The following MITF variants were observed in gnomAD, a reference collection of about 807,000 sequenced individuals.
MITF encodes the protein microphthalmia-associated transcription factor.
MITF carries 17 observed loss-of-function variants against 60.5 expected under a neutral mutation model. That is an observed-to-expected ratio of 0.28 (90% CI 0.19 to 0.42). MITF has a LOEUF of 0.42. Among genes scored for constraint, MITF ranks in the 10% least tolerant of loss-of-function variants. The pLI is 1.00. For synonymous variants in MITF, 260 were observed against 248.5 expected (o/e 1.05, Z -0.43); for missense variants, 622 against 683.5 (o/e 0.91, Z 1.00).
intron 1 of MITF, among the ~76,000 whole-genome samples, chr3:69,761,121 A>G (rs371439186): frequency 4.6e-5 from 7 of 152,150 alleles, no homozygotes; most frequent in Admixed American, 6.5e-5. Flanking sequence ...TATCTTTTAT[A>G]TATTTCTATA....
At chr3:69,763,801 C>G (rs1288661928) in intron 1 of MITF, 6 of 1,363,670 alleles carry the variant, frequency 4.4e-6, no homozygotes, top group Non-Finnish European at 5.9e-6. Flanking sequence ...TGGCATTAAT[C>G]TTGGGAATTC....
chr3:69,795,456 C>A (rs999664648), intron 1 of MITF, among the ~76,000 whole-genome samples: 6 of 152,102 alleles, frequency 3.9e-5, no homozygotes, highest in Admixed American at 3.3e-4. Context: ...CTGGGCATAG[C>A]GGCTTATTCC....
intron 1 of MITF, among the ~76,000 whole-genome samples, chr3:69,844,467 A>C (rs1035878724): frequency 5.3e-5 from 8 of 152,232 alleles, no homozygotes; most frequent in African/African-American, 1.9e-4. Flanking sequence ...TACAAAAATT[A>C]ACTCAAGATG....
At chr3:69,821,690 T>TAAAAAAAAAAAAAAAAAAAACAAAA (rs72371556) in intron 1 of MITF, among the ~76,000 whole-genome samples, 108 of 112,952 alleles carry the variant, frequency 9.6e-4, no homozygotes, top group Non-Finnish European at 1.5e-3. Flanking sequence ...AAAAAAAAAC[T>TAAAAAAAAAAAAAAAAAAAACAAAA]AAAAAAAAAA....
chr3:69,841,377 T>C (rs2063633239), intron 1 of MITF, among the ~76,000 whole-genome samples: 1 of 152,216 alleles, frequency 6.6e-6, no homozygotes. Flanking sequence ...GGTATAATAT[T>C]TGAAAAGGTG....
intron 1 of MITF, among the ~76,000 whole-genome samples, chr3:69,877,451 TA>T (rs34144592): frequency 0.043 from 6,037 of 139,792 alleles, 132 homozygotes; most frequent in South Asian, 0.085. Context: ...GTTTGTTTAT[TA>T]AAAAAAAAAA....
chr3:69,876,927 T>C (rs2064367294), intron 1 of MITF, among the ~76,000 whole-genome samples: 1 of 152,192 alleles, frequency 6.6e-6, no homozygotes, highest in Non-Finnish European at 1.5e-5. Context: ...TCTTTATAGT[T>C]GAGGGGAGTA....
intron 1 of MITF, among the ~76,000 whole-genome samples, chr3:69,782,893 C>T (rs1409511333): frequency 6.6e-6 from 1 of 152,118 alleles, no homozygotes; most frequent in Non-Finnish European, 1.5e-5. Context: ...TTTTGTTTTG[C>T]ACATGCCTCA....
chr3:69,918,583 G>A lies in MITF; in HGVS notation c.355-19239G>A, dbSNP rs984260412. Among the ~76,000 whole-genome samples, 7 of 152,188 alleles carry A rather than the reference G, an allele frequency of 4.6e-5. No homozygotes were observed. The East Asian group carries it at 1.3e-3, about 29-fold the overall frequency. On this transcript the variant is annotated intron_variant, in intron 2 of 9. Transcript: ENST00000352241. ...ATCCTGCATATTTGGTTGGTTTGGA[G>A]TCCAGCACATCAGGGTTCAGATCTC... is the stretch of plus-strand genomic sequence containing the variant.
Position 69,781,344 on chromosome 3 carries a change from T to C in MITF, c.104+41643T>C, listed in dbSNP as rs571792651. Among the ~76,000 whole-genome samples, 3 of 152,296 alleles carry C rather than the reference T, an allele frequency of 2.0e-5. No individual in the cohort carries two copies. The South Asian group carries it at 6.2e-4, about 32-fold the overall frequency. On this transcript the variant is annotated intron_variant, in intron 1 of 9. Transcript: ENST00000352241. ...TCTGTTACATAAGACTTCCAAATGT[T>C]TATTAGCCTGAATACATGCAACTAA...
intron 2 of MITF, among the ~76,000 whole-genome samples, chr3:69,887,381 A>G (rs1202561304): frequency 6.6e-6 from 1 of 152,046 alleles, no homozygotes; most frequent in Non-Finnish European, 1.5e-5. Flanking sequence ...AAAATATGTA[A>G]ATCAGTACAG....
intron 8 of MITF, 33 bp downstream of exon 8, chr3:69,956,563 T>A (rs1299510978): frequency 1.3e-6 from 2 of 1,544,086 alleles, no homozygotes; most frequent in South Asian, 2.2e-5. Context: ...CTGCATCATA[T>A]ATTTTTCGTA....
intron 1 of MITF, among the ~76,000 whole-genome samples, chr3:69,801,883 T>C (rs1018400544): frequency 6.6e-6 from 1 of 152,136 alleles, no homozygotes; most frequent in African/African-American, 2.4e-5. Context: ...GTAAGAGAAC[T>C]GCAATCTATA....
At chr3:69,807,766 C>T (rs1205112698) in intron 1 of MITF, among the ~76,000 whole-genome samples, 1 of 152,142 alleles carries the variant, frequency 6.6e-6, no homozygotes, top group East Asian at 1.9e-4. Flanking sequence ...TCCAATGACC[C>T]ATTTTGGAGT....
chr3:69,922,468 C>T (rs1021522763), intron 2 of MITF, among the ~76,000 whole-genome samples: 1 of 152,196 alleles, frequency 6.6e-6, no homozygotes, highest in African/African-American at 2.4e-5. Context: ...GATCCACCTG[C>T]CTTGGCCTCC....
intron 1 of MITF, chr3:69,866,299 G>T (rs368270702): frequency 1.3e-5 from 21 of 1,613,682 alleles, no homozygotes; most frequent in Middle Eastern, 1.6e-4. Context: ...AGATGGAGGC[G>T]CTTAGAGTTC....
At chr3:69,935,490 A>C (rs779776665) in intron 2 of MITF, among the ~76,000 whole-genome samples, 2 of 152,114 alleles carry the variant, frequency 1.3e-5, no homozygotes, top group Non-Finnish European at 2.9e-5. Context: ...AGTAATGTCT[A>C]CTGTCATCAT....
chr3:69,950,167 C>T (rs749870200), intron 6 of MITF, among the ~76,000 whole-genome samples: 16 of 151,944 alleles, frequency 1.1e-4, no homozygotes, highest in Non-Finnish European at 2.1e-4. Flanking sequence ...CAGTAGCTCA[C>T]GCCTGTAATC....
intron 9 of MITF, 76 bp from the exon 10 acceptor site, chr3:69,964,771 T>A: frequency 1.5e-6 from 2 of 1,340,428 alleles, no homozygotes; most frequent in Middle Eastern, 1.9e-4. Context: ...TATAGTATCA[T>A]ATAGAGTGGT....
Sources: gnomAD v4.1 joint callset for allele counts (sites outside exome capture counted in the v4.1 genomes callset) on GRCh38, gnomAD v4.1.1 for gene constraint, MANE v1.5 for transcripts, NCBI Gene and HGNC (gene_info 2026-07-23, HGNC 2026-07-21) for gene names.